The following CLN5 variants were observed in gnomAD, a reference collection of about 807,000 sequenced individuals.
The protein encoded by CLN5 is CLN5 lysosomal BMP synthase.
A neutral mutation model predicts 36.7 loss-of-function variants in CLN5; 34 were observed. The ratio of observed to expected loss-of-function variants is 0.93; its 90% CI spans 0.71 to 1.23. The LOEUF (loss-of-function observed/expected upper bound fraction) is 1.23, where lower values mean the gene tolerates loss of function less well. Ranked by LOEUF, CLN5 falls within the 50% of genes most tolerant of loss-of-function variation. The probability of loss-of-function intolerance (pLI) is 0.00; values close to 1 mark genes in which losing one functional copy is unlikely to be tolerated. For synonymous variants in CLN5, 151 were observed against 155.1 expected, an observed-to-expected ratio of 0.97 and a Z score of 0.20; for missense variants, 427 against 439.4, an observed-to-expected ratio of 0.97 and a Z score of 0.25.
chr13:76,998,381 CAT>C (rs1346595859), intron 3 of CLN5: 3 of 152,154 alleles, frequency 2.0e-5, no homozygotes, highest in Admixed American at 6.5e-5. Flanking sequence ...CCCGTTGCCT[CAT>C]GTGCAAAATG....
Position 77,001,089 on chromosome 13 carries a change from T to C in CLN5, c.*120T>C. The C allele has an allele frequency of 2.4e-6, 2 of 835,540 alleles. No homozygotes were observed. The highest frequency in any genetic ancestry group is 3.8e-6 in the Non-Finnish European group (2 of 530,070). The allele number at this position is 835,540 out of a possible 1,614,324, so 51.8% of individuals were successfully genotyped here. ...TTGGTGCATAAAGTTAAAATGCACATCAGCAGAATTGCTGCATATTAACAT... is the reference window on the plus strand; with the variant it reads ...TTGGTGCATAAAGTTAAAATGCACACCAGCAGAATTGCTGCATATTAACAT... On this transcript the variant is annotated 3_prime_UTR_variant, in exon 4 of 4. Coordinates refer to ENST00000377453, the MANE Select transcript of CLN5 (RefSeq NM_006493.4).
At position 76,997,007 on chromosome 13, in the gene CLN5, C is replaced by T. The variant is rs767770214; in HGVS notation, c.565+880C>T. ...TATGGCCATTCTTGCAGGAGTGAGG[C>T]GGTATTACATTGTGGTTTTGATTTG... On this transcript the variant is annotated intron_variant, in intron 3 of 3. Coordinates refer to ENST00000377453, the MANE Select transcript of CLN5 (RefSeq NM_006493.4). The T allele has an allele frequency of 3.3e-5, 5 of 151,980 alleles. No individual in the cohort carries two copies. In the South Asian group the frequency reaches 8.3e-4, roughly 25 times the overall value. 9.4% of individuals were successfully genotyped at this position (151,980 alleles called of 1,614,324 possible). A position where few individuals can be genotyped will look rare whatever the true frequency, so the allele number is the denominator to read the frequency against.
chr13:77,000,413 T>G (rs1336759041), intron 3 of CLN5, 45 bp from the exon 4 acceptor site: 1 of 1,560,820 alleles, frequency 6.4e-7, no homozygotes, highest in Non-Finnish European at 8.7e-7. Context: ...ATTAACATGA[T>G]TAGCTTTGTT....
intron 3 of CLN5, chr13:76,996,835 T>A (rs1490640506): frequency 6.6e-6 from 1 of 152,270 alleles, no homozygotes; most frequent in African/African-American, 2.4e-5. Flanking sequence ...GATTGCTGGA[T>A]CAAATGGCAG....
At chr13:76,993,509 A>C (rs2034214653) in intron 1 of CLN5, 1 of 152,234 alleles carries the variant, frequency 6.6e-6, no homozygotes, top group Admixed American at 6.5e-5. Context: ...ATTTGATTTA[A>C]CATTAGGGCA....
intron 1 of CLN5, chr13:76,993,424 C>T (rs2034213053): frequency 6.6e-6 from 1 of 152,096 alleles, no homozygotes; most frequent in South Asian, 2.1e-4. Context: ...AGCTAGTTTT[C>T]TGGAAAATGT....
chr13:77,002,893 G>C lies in CLN5; in HGVS notation c.*1924G>C, dbSNP rs1317558051. 1.3e-5 allele frequency: 2 copies of C among 152,148 alleles called. No homozygotes were observed. The highest frequency in any genetic ancestry group is 6.5e-5 in the Admixed American group (1 of 15,280). 9.4% of individuals were successfully genotyped at this position (152,148 alleles called of 1,614,324 possible). On this transcript the variant is annotated 3_prime_UTR_variant, in exon 4 of 4. Coordinates refer to ENST00000377453, the MANE Select transcript of CLN5 (RefSeq NM_006493.4). ...CTGCCTTGAAGAGACAAAGATTCTT[G>C]TACCAAGTTTTGGTCAACTGCAAAT... is the stretch of plus-strand genomic sequence containing the variant.
chr13:76,997,498 G>A, intron 3 of CLN5: 1 of 152,152 alleles, frequency 6.6e-6, no homozygotes, highest in East Asian at 1.9e-4. Flanking sequence ...TGAGTTCCTT[G>A]TAGATTCTGG....
In CLN5 at chr13:76,992,214, C is replaced by A. The variant is rs1285996011; in HGVS notation, c.116C>A (p.Pro39Gln). 6.2e-7 allele frequency: 1 copy of A among 1,600,774 alleles called. No homozygotes were observed. The highest frequency in any genetic ancestry group is 1.1e-5 in the South Asian group (1 of 90,304). Residue 39 changes from proline (P) to glutamine (Q), a missense_variant, in exon 1 of 4, where the codon CCG becomes CAG. Coordinates refer to ENST00000377453, the MANE Select transcript of CLN5 (RefSeq NM_006493.4). ...ALALLWLAVVPGWSRVSGIPS... is the reference protein window; with the variant it reads ...ALALLWLAVVQGWSRVSGIPS... ...GCGCTGCTTTGGCTCGCGGTGGTTC[C>A]GGGCTGGTCCCGGGTCTCGGGCATC...
At chr13:76,993,389 C>T (rs567662099) in intron 1 of CLN5, 1 of 152,094 alleles carries the variant, frequency 6.6e-6, no homozygotes, top group African/African-American at 2.4e-5. Flanking sequence ...TGATATACTA[C>T]GTGGAAAGAG....
Position 77,002,848 on chromosome 13 carries a change from AG to A in CLN5, c.*1881del, listed in dbSNP as rs1451846331. 1 of 152,202 alleles carries A rather than the reference AG, an allele frequency of 6.6e-6. No individual in the cohort carries two copies. Among genetic ancestry groups the A allele is most frequent in the African/African-American group, 2.4e-5 (1 of 41,462 alleles). The allele number at this position is 152,202 out of a possible 1,614,324, so 9.4% of individuals were successfully genotyped here. ...CAGGAAATTGCTCTGGAAAAACTAC[AG>A]GATTTTGGATTTCCAGAACTGCCTT... On this transcript the variant is annotated 3_prime_UTR_variant, in exon 4 of 4. Transcript: ENST00000377453.
rs979860461 is a variant in CLN5, at chr13:77,002,872, C to T, written c.*1903C>T. ...CAGGATTTTGGATTTCCAGAACTGCCTTGAAGAGACAAAGATTCTTGTACC... is the reference window on the plus strand; with the variant it reads ...CAGGATTTTGGATTTCCAGAACTGCTTTGAAGAGACAAAGATTCTTGTACC... On this transcript the variant is annotated 3_prime_UTR_variant, in exon 4 of 4. Transcript: ENST00000377453. 52 of 152,254 alleles carry T rather than the reference C, an allele frequency of 3.4e-4. No individual in the cohort carries two copies. The highest frequency in any genetic ancestry group is 1.3e-3 in the African/African-American group (52 of 41,536). The allele number at this position is 152,254 out of a possible 1,614,324, so 9.4% of individuals were successfully genotyped here.
chr13:77,001,752 C>G lies in CLN5; in HGVS notation c.*783C>G, dbSNP rs1162631535. ...TAATGTAGTTTATGTGCCAAACTTT[C>G]CAGGGTTTTGTAGTCACCTAGATTT... On this transcript the variant is annotated 3_prime_UTR_variant, in exon 4 of 4. Coordinates refer to ENST00000377453, the MANE Select transcript of CLN5 (RefSeq NM_006493.4). The G allele has an allele frequency of 1.3e-5, 2 of 152,186 alleles. No homozygotes were observed. The highest frequency in any genetic ancestry group is 2.4e-5 in the African/African-American group (1 of 41,434). The allele number at this position is 152,186 out of a possible 1,614,324, so 9.4% of individuals were successfully genotyped here.
chr13:76,995,070 G>C lies in CLN5; in HGVS notation c.181G>C (p.Asp61His). Residue 61 changes from aspartate (D) to histidine (H), a missense_variant, in exon 2 of 4, where the codon GAC becomes CAC. Asp to His is a moderately conservative substitution (Grantham distance 81). Coordinates refer to ENST00000377453, the MANE Select transcript of CLN5 (RefSeq NM_006493.4). ...TTTCTTTTTCTTTATTAGGCGCTTT[G>C]ACTTCCGTCCAAAACCTGATCCTTA... ...RHWPVPYKRF[D>H]FRPKPDPYCQ... 1.9e-6 allele frequency: 3 copies of C among 1,613,614 alleles called. No homozygotes were observed. Among genetic ancestry groups the C allele is most frequent in the Non-Finnish European group, 2.5e-6 (3 of 1,179,880 alleles).
In CLN5 at chr13:76,996,071, T is replaced by C; in HGVS notation, c.509T>C (p.Ile170Thr). The change falls in exon 3 of 4, where the codon ATT becomes ACT. Residue 170 changes from isoleucine to threonine, a missense_variant. Physicochemically the swap from Ile to Thr is moderately conservative, Grantham distance 89 (BLOSUM62 -1). Coordinates refer to ENST00000377453, the MANE Select transcript of CLN5 (RefSeq NM_006493.4). ...NQGAACFFEG[I>T]DDVHWKENGT... ...GGCGCTGCCTGCTTTTTTGAGGGAA[T>C]TGATGATGTTCACTGGAAGGAAAAT... The C allele has an allele frequency of 3.7e-6, 6 of 1,614,154 alleles. No individual in the cohort carries two copies. Among genetic ancestry groups the C allele is most frequent in the South Asian group, 1.1e-5 (1 of 91,086 alleles).
rs1213331868 is a variant in CLN5, at chr13:77,001,097, A to C, written c.*128A>C. On this transcript the variant is annotated 3_prime_UTR_variant, in exon 4 of 4. Coordinates refer to ENST00000377453, the MANE Select transcript of CLN5 (RefSeq NM_006493.4). ...TAAAGTTAAAATGCACATCAGCAGA[A>C]TTGCTGCATATTAACATCTCAGGAC... is the stretch of plus-strand genomic sequence containing the variant. The C allele has an allele frequency of 1.3e-6, 1 of 768,252 alleles. No individual in the cohort carries two copies. 47.6% of individuals were successfully genotyped at this position (768,252 alleles called of 1,614,324 possible). A position where few individuals can be genotyped will look rare whatever the true frequency, so the allele number is the denominator to read the frequency against.
chr13:77,001,030 A>T lies in CLN5; in HGVS notation c.*61A>T, dbSNP rs1436148958. ...ACCAGCATCTGTTTTTCAGGGGGTG[A>T]TTTTACTTTTGTGAATTCCTTAGCC... On this transcript the variant is annotated 3_prime_UTR_variant, in exon 4 of 4. Transcript: ENST00000377453. 1 of 1,483,002 alleles carries T rather than the reference A, an allele frequency of 6.7e-7. No individual in the cohort carries two copies. The highest frequency in any genetic ancestry group is 1.4e-5 in the African/African-American group (1 of 71,354). 91.9% of individuals were successfully genotyped at this position (1,483,002 alleles called of 1,614,324 possible).
At position 77,000,803 on chromosome 13, in the gene CLN5, TTC is replaced by T. The variant is rs2154035183; in HGVS notation, c.913_914del (p.Leu305ValfsTer8). 6.2e-7 allele frequency: 1 copy of T among 1,612,000 alleles called. No individual in the cohort carries two copies. Among genetic ancestry groups the T allele is most frequent in the Non-Finnish European group, 8.5e-7 (1 of 1,179,300 alleles). ...AAACCACATTTGCCAACTAAAGAAT[TTC>T]TGTTGAGTCTCTTGCAAATTTTTGA... On this transcript the variant is annotated frameshift_variant, in exon 4 of 4. Coordinates refer to ENST00000377453, the MANE Select transcript of CLN5 (RefSeq NM_006493.4). LOFTEE classifies it high-confidence loss of function.
chr13:76,992,711 T>C (rs1211016311), intron 1 of CLN5: 1 of 195,604 alleles, frequency 5.1e-6, no homozygotes, highest in African/African-American at 2.4e-5. Flanking sequence ...GGTTTGAACC[T>C]GATCAGAACC....
Sources: gnomAD v4.1 joint callset for allele counts on GRCh38, gnomAD v4.1.1 for gene constraint, MANE v1.5 for transcripts, NCBI Gene and HGNC (gene_info 2026-07-23, HGNC 2026-07-21) for gene names.